SLC35A3: variants seen among roughly 807,000 people sequenced by gnomAD.
SLC35A3 encodes the protein UDP-N-acetylglucosamine transporter.
In SLC35A3, 26 loss-of-function variants were observed where a neutral mutation model predicts 39.0. That is an observed-to-expected ratio of 0.67 (90% confidence interval 0.49 to 0.92). SLC35A3 has a LOEUF of 0.92. Among genes scored for constraint, SLC35A3 ranks in the 40% least tolerant of loss-of-function variants. SLC35A3 has a pLI of 0.00. For missense variants in SLC35A3, 299 were observed against 371.6 expected, an observed-to-expected ratio of 0.80 and a Z score of 1.61; for synonymous variants, 135 against 133.1, an observed-to-expected ratio of 1.01 and a Z score of -0.10.
chr1:100,028,683 TTACATA>T lies in SLC35A3; in HGVS notation c.*6212_*6217del, dbSNP rs1557854674. The T allele has an allele frequency of 1.3e-5, 2 of 152,164 alleles. No homozygotes were observed. The highest frequency in any genetic ancestry group is 2.9e-5 in the Non-Finnish European group (2 of 68,034). The allele number at this position is 152,164 out of a possible 1,614,324, so 9.4% of individuals were successfully genotyped here. On this transcript the variant is annotated 3_prime_UTR_variant, in exon 8 of 8. Transcript: ENST00000533028. ...GAGAATTCCTTTAAGGCAGGACCGA[TTACATA>T]TACACTCTAGAAAAGAAAATAGCAA...
At chr1:100,015,028 C>T (rs962611486) in intron 5 of SLC35A3, among the ~76,000 whole-genome samples, 4 of 151,660 alleles carry the variant, frequency 2.6e-5, no homozygotes, top group Non-Finnish European at 2.9e-5. Flanking sequence ...CGTGGTGGCA[C>T]GCGCCTGTAG....
intron 4 of SLC35A3, 97 bp downstream of exon 4, chr1:100,007,253 A>C: frequency 2.6e-6 from 3 of 1,135,596 alleles, no homozygotes. Context: ...GATTGTTGAA[A>C]CCAACAAATG....
At chr1:99,972,334 T>G (rs1410555897) in intron 1 of SLC35A3, among the ~76,000 whole-genome samples, 2 of 145,206 alleles carry the variant, frequency 1.4e-5, no homozygotes, top group Non-Finnish European at 3.1e-5. Context: ...CTTACTACTT[T>G]TTTTTTTTTT....
intron 1 of SLC35A3, among the ~76,000 whole-genome samples, chr1:99,989,388 A>G (rs948106864): frequency 3.9e-5 from 6 of 152,170 alleles, no homozygotes; most frequent in African/African-American, 1.4e-4. Flanking sequence ...GGTTCAAGCA[A>G]TTCTCCTGCC....
chr1:99,991,505 A>G (rs1246931121), intron 1 of SLC35A3, among the ~76,000 whole-genome samples: 1 of 152,116 alleles, frequency 6.6e-6, no homozygotes, highest in Non-Finnish European at 1.5e-5. Flanking sequence ...AAGCCTTTCA[A>G]TTTTGTTTTT....
intron 2 of SLC35A3, 98 bp from the exon 3 acceptor site, chr1:99,999,161 ATT>A (rs1658599383): frequency 1.7e-6 from 1 of 593,430 alleles, no homozygotes; most frequent in Non-Finnish European, 2.7e-6. Flanking sequence ...ATGTAGCTCA[ATT>A]TTGTTTTTCT....
chr1:100,025,524 A>C lies in SLC35A3; in HGVS notation c.*3048A>C, dbSNP rs1369434291. On this transcript the variant is annotated 3_prime_UTR_variant, in exon 8 of 8. Transcript: ENST00000533028. ...TATATTTTCAAAGCACAATTTTATT[A>C]GACAGGCATAATTTACATTTTGCTT... 6.6e-6 allele frequency: 1 copy of C among 152,232 alleles called. No homozygotes were observed. Among genetic ancestry groups the C allele is most frequent in the Non-Finnish European group, 1.5e-5 (1 of 68,026 alleles). The allele number at this position is 152,232 out of a possible 1,614,324, so 9.4% of individuals were successfully genotyped here.
intron 1 of SLC35A3, among the ~76,000 whole-genome samples, chr1:99,971,079 G>A (rs183517119): frequency 1.7e-4 from 26 of 152,220 alleles, no homozygotes; most frequent in Non-Finnish European, 3.2e-4. Context: ...TCCTCAGCCT[G>A]GCACCCTTCC....
At chr1:99,988,645 CT>C (rs1428763604) in intron 1 of SLC35A3, among the ~76,000 whole-genome samples, 6 of 146,950 alleles carry the variant, frequency 4.1e-5, no homozygotes, top group Non-Finnish European at 7.5e-5. Flanking sequence ...CTTCCCTCCC[CT>C]CTCCTCCCCT....
intron 1 of SLC35A3, 106 bp from the exon 2 acceptor site, chr1:99,993,431 G>A (rs1449748512): frequency 3.0e-5 from 25 of 824,422 alleles, no homozygotes; most frequent in Non-Finnish European, 4.2e-5. Context: ...GGCAGGTGGA[G>A]GAGAGACCTG....
At position 100,030,343 on chromosome 1, in the gene SLC35A3, T is replaced by C. The variant is rs182653349; in HGVS notation, c.*7867T>C. On this transcript the variant is annotated 3_prime_UTR_variant, in exon 8 of 8. Transcript: ENST00000533028. ...TGAATATTGTTACAGTGTTTAGTGA[T>C]AATCACTGAAAATTCACGTTAAAAT... The C allele has an allele frequency of 8.5e-5, 13 of 152,356 alleles. No homozygotes were observed. In the East Asian group the frequency reaches 2.5e-3, roughly 29 times the overall value. The allele number at this position is 152,356 out of a possible 1,614,324, so 9.4% of individuals were successfully genotyped here. A position where few individuals can be genotyped will look rare whatever the true frequency, so the allele number is the denominator to read the frequency against.
chr1:100,003,570 TG>T (rs2101255606), intron 3 of SLC35A3, among the ~76,000 whole-genome samples: 1 of 152,314 alleles, frequency 6.6e-6, no homozygotes, highest in African/African-American at 2.4e-5. Flanking sequence ...CATGTGCTGA[TG>T]AGAAGCATGT....
chr1:100,007,386 C>T (rs940571339), intron 4 of SLC35A3: 1 of 335,016 alleles, frequency 3.0e-6, no homozygotes, highest in Non-Finnish European at 5.3e-6. Flanking sequence ...AGTGAACATT[C>T]TAATTAGGGA....
intron 1 of SLC35A3, among the ~76,000 whole-genome samples, chr1:99,973,005 CAT>C (rs1248363094): frequency 6.6e-6 from 1 of 152,208 alleles, no homozygotes; most frequent in African/African-American, 2.4e-5. Context: ...TGTCCTGAAA[CAT>C]GTGCCTTTTA....
At chr1:100,015,260 A>C in intron 5 of SLC35A3, 42 bp from the exon 6 acceptor site, 2 of 1,492,020 alleles carry the variant, frequency 1.3e-6, no homozygotes, top group Non-Finnish European at 1.8e-6. Flanking sequence ...ATCTCTTCAG[A>C]CAAACTAAAC....
chr1:100,032,321 T>A lies in SLC35A3; in HGVS notation c.*9845T>A, dbSNP rs1464253377. On this transcript the variant is annotated 3_prime_UTR_variant, in exon 8 of 8. Coordinates refer to ENST00000533028, the MANE Select transcript of SLC35A3 (RefSeq NM_012243.3). ...ACTGGGGTGCAAAATGGTGATAAAT[T>A]TTTTTTAGTGCTCTAAATTTCTTCT... 1 of 151,746 alleles carries A rather than the reference T, an allele frequency of 6.6e-6. No individual in the cohort carries two copies. Among genetic ancestry groups the A allele is most frequent in the Non-Finnish European group, 1.5e-5 (1 of 67,996 alleles). 9.4% of individuals were successfully genotyped at this position (151,746 alleles called of 1,614,324 possible). A position where few individuals can be genotyped will look rare whatever the true frequency, so the allele number is the denominator to read the frequency against.
intron 3 of SLC35A3, among the ~76,000 whole-genome samples, chr1:100,003,077 C>G (rs987190199): frequency 1.3e-5 from 2 of 151,944 alleles, no homozygotes; most frequent in Non-Finnish European, 2.9e-5. Context: ...TTTGCTGTAT[C>G]TCATAGGTTT....
At chr1:99,976,135 G>T (rs949834191) in intron 1 of SLC35A3, among the ~76,000 whole-genome samples, 4 of 152,170 alleles carry the variant, frequency 2.6e-5, no homozygotes, top group Non-Finnish European at 1.5e-5. Context: ...TCTGCTATAT[G>T]GAGGCTAGAT....
chr1:99,995,081 GT>G (rs368064551), intron 2 of SLC35A3, among the ~76,000 whole-genome samples: 13 of 144,860 alleles, frequency 9.0e-5, no homozygotes, highest in South Asian at 2.2e-4. Context: ...TTTTTATGGG[GT>G]TTTTTTTTGG....
Sources: gnomAD v4.1 joint callset for allele counts (sites outside exome capture counted in the v4.1 genomes callset) on GRCh38, gnomAD v4.1.1 for gene constraint, MANE v1.5 for transcripts, NCBI Gene and HGNC (gene_info 2026-07-23, HGNC 2026-07-21) for gene names.